The following VASH1 variants were observed in gnomAD, a reference collection of about 807,000 sequenced individuals.
The protein encoded by VASH1 is vasohibin 1.
A neutral mutation model predicts 35.0 loss-of-function variants in VASH1; 16 were observed. That is an observed-to-expected ratio of 0.46 (90% CI 0.31 to 0.70). The LOEUF is 0.70. VASH1 is among the 30% of genes least tolerant of loss of function. The pLI is 0.05. For synonymous variants in VASH1, 214 were observed against 200.9 expected, an observed-to-expected ratio of 1.07 and a Z score of -0.55; for missense variants, 505 against 510.7, an observed-to-expected ratio of 0.99 and a Z score of 0.11.
intron 6 of VASH1, 24 bp from the exon 7 acceptor site, chr14:76,778,922 C>CGCTCT: frequency 1.2e-6 from 2 of 1,612,734 alleles, no homozygotes; most frequent in Non-Finnish European, 1.7e-6. Flanking sequence ...ACTCTCCTCC[C>CGCTCT]GCTCTGCTCT....
chr14:76,773,083 C>A, intron 3 of VASH1, 54 bp from the exon 4 acceptor site: 1 of 1,571,450 alleles, frequency 6.4e-7, no homozygotes, highest in Non-Finnish European at 8.7e-7. Flanking sequence ...TTCTCACATT[C>A]CCCTGGAGGG....
At chr14:76,765,557 G>A (rs1297276366) in intron 1 of VASH1, among the ~76,000 whole-genome samples, 6 of 152,128 alleles carry the variant, frequency 3.9e-5, no homozygotes, top group African/African-American at 1.4e-4. Flanking sequence ...CCAGTGGCAG[G>A]GTGGGCTGAC....
chr14:76,777,863 C>G (rs1052143224), intron 5 of VASH1, 96 bp from the exon 6 acceptor site: 44 of 945,642 alleles, frequency 4.7e-5, no homozygotes, highest in Non-Finnish European at 6.1e-5. Flanking sequence ...CGGGCCTTCC[C>G]CAGGGCAGCC....
chr14:76,773,217 C>T lies in VASH1; in HGVS notation c.530+6C>T. On this transcript the variant is annotated splice_donor_region_variant and intron_variant, in intron 4 of 6. Transcript: ENST00000167106. ...GAAGCCGTGATCCTGGGAATGTATCCTTCCTCACCTGAAGGGGAGGGGTCC... is the reference window on the plus strand; with the variant it reads ...GAAGCCGTGATCCTGGGAATGTATCTTTCCTCACCTGAAGGGGAGGGGTCC... 1 of 1,614,090 alleles carries T rather than the reference C, an allele frequency of 6.2e-7. No individual in the cohort carries two copies. Among genetic ancestry groups the T allele is most frequent in the Non-Finnish European group, 8.5e-7 (1 of 1,179,970 alleles).
At chr14:76,775,713 G>C (rs2140185655) in intron 4 of VASH1, among the ~76,000 whole-genome samples, 179 bp from the exon 5 acceptor site, 1 of 152,284 alleles carries the variant, frequency 6.6e-6, no homozygotes, top group South Asian at 2.1e-4. Flanking sequence ...TGGATACCAG[G>C]CTCAATGCTA....
chr14:76,776,006 C>A lies in VASH1; in HGVS notation c.645C>A (p.Tyr215Ter). 2 of 1,613,092 alleles carry A rather than the reference C, an allele frequency of 1.2e-6. No homozygotes were observed. The highest frequency in any genetic ancestry group is 1.7e-6 in the Non-Finnish European group (2 of 1,179,840). The part of the protein sequence containing the change: ...IVLGVNFAGR[Y>*]GALGMSRRED... ...TGGGGGTGAACTTCGCGGGCCGCTA[C>A]GGTGCGCTGGGCATGAGTCGGCGCG... Residue 215 changes from tyrosine to a stop codon, truncating the protein, a stop_gained, in exon 5 of 7, where the codon TAC (tyrosine) becomes TAA (stop). Coordinates refer to ENST00000167106, the MANE Select transcript of VASH1 (RefSeq NM_014909.5). LOFTEE classifies it high-confidence loss of function.
At chr14:76,769,348 C>T in intron 1 of VASH1, 1 of 1,289,128 alleles carries the variant, frequency 7.8e-7, no homozygotes, top group Non-Finnish European at 1.0e-6. Flanking sequence ...TGTGCATGCC[C>T]CAGCCACAGA....
chr14:76,776,309 G>C, intron 5 of VASH1, 36 bp downstream of exon 5: 1 of 1,496,662 alleles, frequency 6.7e-7, no homozygotes, highest in Non-Finnish European at 8.9e-7. Context: ...CCCCTCCCTC[G>C]CCCCCTCCCC....
At chr14:76,770,754 G>A (rs1296644177) in intron 2 of VASH1, among the ~76,000 whole-genome samples, 1 of 152,226 alleles carries the variant, frequency 6.6e-6, no homozygotes, top group Non-Finnish European at 1.5e-5. Context: ...GCTGATGACT[G>A]CATATCGGGT....
chr14:76,763,861 G>A (rs989789624), intron 1 of VASH1, among the ~76,000 whole-genome samples: 38 of 152,338 alleles, frequency 2.5e-4, no homozygotes, highest in African/African-American at 8.9e-4. Context: ...AACGAAAACA[G>A]AGGCTGTATC....
chr14:76,773,498 CAG>C (rs1893848568), intron 4 of VASH1: 2 of 493,496 alleles, frequency 4.1e-6, no homozygotes, highest in African/African-American at 1.9e-5. Context: ...AACCCCAAAT[CAG>C]GGCACAGTGT....
Position 76,763,010 on chromosome 14 carries a change from C to G in VASH1, c.189C>G (p.Asn63Lys), listed in dbSNP as rs748367098. 1.6e-5 allele frequency: 25 copies of G among 1,548,810 alleles called. No homozygotes were observed. In the Admixed American group the frequency reaches 4.0e-4, roughly 25 times the overall value. The change falls in exon 1 of 7, where the codon AAC (asparagine) becomes AAG (lysine). Residue 63 changes from asparagine (N) to lysine (K), a missense_variant. Physicochemically the swap from Asn to Lys is moderately conservative, Grantham distance 94 (BLOSUM62 0). Transcript: ENST00000167106. ...LRDGGVPFFVNRGGLPVDEAT... is the reference protein window; with the variant it reads ...LRDGGVPFFVKRGGLPVDEAT... The stretch of plus-strand genomic sequence containing the variant: ...ACGGAGGCGTCCCCTTCTTTGTCAA[C>G]CGGGGTGGGCTACCTGTGGATGAGG...
chr14:76,762,845 T>TG lies in VASH1; in HGVS notation c.29dup (p.Gly11TrpfsTer33). On this transcript the variant is annotated frameshift_variant, in exon 1 of 7. Coordinates refer to ENST00000167106, the MANE Select transcript of VASH1 (RefSeq NM_014909.5). LOFTEE classifies it high-confidence loss of function. ...GGATGCCAGGGGGGAAGAAGGTGGC[T>TG]GGGGGTGGCAGCAGCGGTGCCACTC... 2 of 1,506,256 alleles carry TG rather than the reference T, an allele frequency of 1.3e-6. No homozygotes were observed. The highest frequency in any genetic ancestry group is 1.4e-5 in the South Asian group (1 of 72,558). 93.3% of individuals were successfully genotyped at this position (1,506,256 alleles called of 1,614,324 possible).
In VASH1 at chr14:76,778,041, C is replaced by T. The variant is rs1893993331; in HGVS notation, c.995C>T (p.Pro332Leu). 6.6e-7 allele frequency: 1 copy of T among 1,522,794 alleles called. No homozygotes were observed. The highest frequency in any genetic ancestry group is 8.8e-7 in the Non-Finnish European group (1 of 1,135,790). The allele number at this position is 1,522,794 out of a possible 1,614,324, so 94.3% of individuals were successfully genotyped here. Reference sequence around the variant, plus strand: ...TCCCCGCAGCGGGCCCAGTCCAGCCCCCACCGCAGGAACAGCCGCAGTGAA... The same window carrying T: ...TCCCCGCAGCGGGCCCAGTCCAGCCTCCACCGCAGGAACAGCCGCAGTGAA... ...VSSPQRAQSS[P>L]HRRNSRSERR... is the part of the protein sequence containing the mutation. Residue 332 changes from proline (P) to leucine (L), a missense_variant, in exon 6 of 7, where the codon CCC (proline) becomes CTC (leucine). Coordinates refer to ENST00000167106, the MANE Select transcript of VASH1 (RefSeq NM_014909.5).
In VASH1 at chr14:76,779,162, C is replaced by A. The variant is rs1390911443; in HGVS notation, c.*144C>A. On this transcript the variant is annotated 3_prime_UTR_variant, in exon 7 of 7. Coordinates refer to ENST00000167106, the MANE Select transcript of VASH1 (RefSeq NM_014909.5). Reference sequence around the variant, plus strand: ...AAGAGTGTGTTCCAGCTCAGCCCCCCAAGCTGCTCTCGCTCCCACTGAGCC... The same window carrying A: ...AAGAGTGTGTTCCAGCTCAGCCCCCAAAGCTGCTCTCGCTCCCACTGAGCC... 1.1e-6 allele frequency: 1 copy of A among 927,890 alleles called. No individual in the cohort carries two copies. The highest frequency in any genetic ancestry group is 1.7e-6 in the Non-Finnish European group (1 of 587,368). 57.5% of individuals were successfully genotyped at this position (927,890 alleles called of 1,614,324 possible).
At chr14:76,767,244 C>CAGTAAATA (rs139752180) in intron 1 of VASH1, among the ~76,000 whole-genome samples, 1 of 136,222 alleles carries the variant, frequency 7.3e-6, no homozygotes, top group Non-Finnish European at 1.6e-5. Flanking sequence ...AACTCTGTCT[C>CAGTAAATA]AATAAATAAA....
rs1022739276 is a variant in VASH1 at position 76,761,659 on chromosome 14, C to A, written c.-1163C>A. On this transcript the variant is annotated 5_prime_UTR_variant, in exon 1 of 7. Coordinates refer to ENST00000167106, the MANE Select transcript of VASH1 (RefSeq NM_014909.5). ...CAGGCACCAGCGCAGCGCGCGCTCG[C>A]CCGGCTTCGTCACTCGCCTCCAGCT... Among the ~76,000 whole-genome samples, 1 of 151,866 alleles carries A rather than the reference C, an allele frequency of 6.6e-6. No individual in the cohort carries two copies.
Position 76,776,067 on chromosome 14 carries a change from C to T in VASH1, c.706C>T (p.Leu236Phe). 12 of 1,609,606 alleles carry T rather than the reference C, an allele frequency of 7.5e-6. No homozygotes were observed. The highest frequency in any genetic ancestry group is 1.0e-5 in the Non-Finnish European group (12 of 1,179,470). ...GTACAAGCCGCCCGCCTTCCGCACG[C>T]TCAGCGAGCTCGTGCTGGACTTCGA... ...LMYKPPAFRT[L>F]SELVLDFEAA... The change falls in exon 5 of 7, where the codon CTC (leucine) becomes TTC (phenylalanine). Residue 236 changes from leucine (L) to phenylalanine (F), a missense_variant. Transcript: ENST00000167106.
chr14:76,768,910 G>T (rs1288081525), intron 1 of VASH1, among the ~76,000 whole-genome samples: 2 of 152,182 alleles, frequency 1.3e-5, no homozygotes, highest in African/African-American at 4.8e-5. Flanking sequence ...GGACAAGGGG[G>T]AGCCCTGAGG....
Sources: gnomAD v4.1 joint callset for allele counts (sites outside exome capture counted in the v4.1 genomes callset) on GRCh38, gnomAD v4.1.1 for gene constraint, MANE v1.5 for transcripts, NCBI Gene and HGNC (gene_info 2026-07-23, HGNC 2026-07-21) for gene names.